Variants in HGFAC observed in about 807,000 individuals in gnomAD.
HGFAC encodes hepatocyte growth factor activator serine protease.
Under a neutral mutation model 70.6 loss-of-function variants are expected in HGFAC, and 76 were observed. That is an observed-to-expected ratio of 1.08 (90% CI 0.89 to 1.30). The LOEUF is 1.30. HGFAC is among the 50% of genes most tolerant of loss of function. The probability of loss-of-function intolerance (pLI) is 0.00; values close to 1 mark genes in which losing one functional copy is unlikely to be tolerated. For synonymous variants in HGFAC, 464 were observed against 405.3 expected, an observed-to-expected ratio of 1.14 and a Z score of -1.74; for missense variants, 1,044 against 933.7, an observed-to-expected ratio of 1.12 and a Z score of -1.54.
chr4:3,443,832 G>T (rs1051860892), intron 4 of HGFAC, among the ~76,000 whole-genome samples: 1 of 152,170 alleles, frequency 6.6e-6, no homozygotes, highest in African/African-American at 2.4e-5. Context: ...TGGGCCAGTG[G>T]CCCAGGTGTT....
At position 3,448,190 on chromosome 4, in the gene HGFAC, T is replaced by A; in HGVS notation, c.1699T>A (p.Cys567Ser). The change falls in exon 13 of 14, where the codon TGC (cysteine) becomes AGC (serine). Residue 567 changes from cysteine to serine, a missense_variant. Transcript: ENST00000382774. ...ALVPLVADHKCSSPEVYGADI... is the reference protein window; with the variant it reads ...ALVPLVADHKSSSPEVYGADI... ...GGTCCCCCTGGTCGCCGACCACAAG[T>A]GCAGCAGCCCTGAGGTCTACGGCGC... is the stretch of plus-strand genomic sequence containing the variant. 1 of 1,605,574 alleles carries A rather than the reference T, an allele frequency of 6.2e-7. No individual in the cohort carries two copies. Among genetic ancestry groups the A allele is most frequent in the Non-Finnish European group, 8.5e-7 (1 of 1,177,372 alleles).
At chr4:3,447,196 T>A (rs1725539339) in intron 10 of HGFAC, among the ~76,000 whole-genome samples, 1 of 152,184 alleles carries the variant, frequency 6.6e-6, no homozygotes, top group Admixed American at 6.5e-5. Context: ...TTGCAGCCGA[T>A]CCTGCCTGGG....
chr4:3,444,936 A>C lies in HGFAC; in HGVS notation c.959A>C (p.His320Pro). 6.2e-7 allele frequency: 1 copy of C among 1,609,354 alleles called. No individual in the cohort carries two copies. The highest frequency in any genetic ancestry group is 1.1e-5 in the South Asian group (1 of 90,576). The change falls in exon 8 of 14, where the codon CAC (histidine) becomes CCC (proline). Residue 320 changes from histidine to proline, a missense_variant. His to Pro is a moderately conservative substitution (Grantham distance 77). Transcript: ENST00000382774. ...WNSDLLYQEL[H>P]VDSVGAAALL... Reference sequence around the variant, plus strand: ...TCCGATCTGCTCTACCAGGAGCTGCACGTGGACTCCGTGGGCGCCGCGGCC... The same window carrying C: ...TCCGATCTGCTCTACCAGGAGCTGCCCGTGGACTCCGTGGGCGCCGCGGCC...
rs1245564389 is a variant in HGFAC, at chr4:3,442,735, C to T, written c.121C>T (p.Arg41Cys). The change falls in exon 2 of 14, where the codon CGT (arginine) becomes TGT (cysteine). Residue 41 changes from arginine to cysteine, a missense_variant. Physicochemically the swap from Arg to Cys is radical, Grantham distance 180. Transcript: ENST00000382774. ...ACACCCTTTCTGCTCCTCCTAGAAC[C>T]GTACGGAGTCCCCAGAACCTAATGC... The part of the protein sequence containing the change: ...RGFQPQPGGN[R>C]TESPEPNATA... The T allele has an allele frequency of 8.0e-6, 12 of 1,497,170 alleles. No individual in the cohort carries two copies. Among genetic ancestry groups the T allele is most frequent in the Admixed American group, 4.9e-5 (2 of 41,024 alleles). The allele number at this position is 1,497,170 out of a possible 1,614,324, so 92.7% of individuals were successfully genotyped here.
At chr4:3,443,878 C>T (rs1725397167) in intron 4 of HGFAC, among the ~76,000 whole-genome samples, 161 bp from the exon 5 acceptor site, 1 of 152,016 alleles carries the variant, frequency 6.6e-6, no homozygotes, top group Non-Finnish European at 1.5e-5. Flanking sequence ...GAGGTCTGTG[C>T]CCCTCCCAGG....
intron 5 of HGFAC, 54 bp downstream of exon 5, chr4:3,444,215 G>A (rs1725411778): frequency 1.9e-6 from 3 of 1,564,360 alleles, no homozygotes; most frequent in Non-Finnish European, 1.7e-6. Context: ...CAAGTCCCCG[G>A]AGGATGGGAG....
At chr4:3,441,921 C>T, upstream of HGFAC, 1 of 773,676 alleles carries the variant, frequency 1.3e-6, no homozygotes, top group Non-Finnish European at 1.9e-6. This position sits in a 1 kb window ranked among gnomAD's most constrained non-coding sequence, Gnocchi z 6.0. Flanking sequence ...CAGGGTTAAT[C>T]ATTTCCACGA....
Position 3,445,442 on chromosome 4 carries a change from A to G in HGFAC, c.1102+92A>G, listed in dbSNP as rs1725474302. 1.9e-5 allele frequency: 17 copies of G among 876,998 alleles called. No homozygotes were observed. The South Asian group carries it at 2.3e-4, about 12-fold the overall frequency. 54.3% of individuals were successfully genotyped at this position (876,998 alleles called of 1,614,324 possible). On this transcript the variant is annotated intron_variant, in intron 9 of 13. Transcript: ENST00000382774. The stretch of plus-strand genomic sequence containing the variant: ...TCCTAGCCCCTCCGCACACCTGGCT[A>G]CTGCATCTCTGACAAATGGGGAAAC...
At position 3,445,367 on chromosome 4, in the gene HGFAC, G is replaced by T. The variant is rs1480141884; in HGVS notation, c.1102+17G>T. 2.6e-6 allele frequency: 4 copies of T among 1,546,510 alleles called. No individual in the cohort carries two copies. Among genetic ancestry groups the T allele is most frequent in the African/African-American group, 2.7e-5 (2 of 73,148 alleles). ...AGGCCTGCGGTGCGCGGCTGGCGGG[G>T]GGTGCTGCCTTGGGCCCCACCGAGG... On this transcript the variant is annotated intron_variant, in intron 9 of 13. Transcript: ENST00000382774.
At position 3,442,333 on chromosome 4, in the gene HGFAC, G is replaced by C. The variant is rs561060737; in HGVS notation, c.117+215G>C. 7.9e-5 allele frequency among the ~76,000 whole-genome samples: 12 copies of C among 152,298 alleles called. 1 individual carries two copies. Among genetic ancestry groups the C allele is most frequent in the African/African-American group, 2.9e-4 (12 of 41,574 alleles). The stretch of plus-strand genomic sequence containing the variant: ...GCCTGGGCTCACGGAGCCCCACCTG[G>C]GGGCTGTCATCCCTGTGCGGCCTGG... On this transcript the variant is annotated intron_variant, in intron 1 of 13. Coordinates refer to ENST00000382774, the MANE Select transcript of HGFAC (RefSeq NM_001528.4).
intron 4 of HGFAC, among the ~76,000 whole-genome samples, 186 bp from the exon 5 acceptor site, chr4:3,443,853 C>T (rs1456326671): frequency 3.3e-5 from 5 of 152,130 alleles, no homozygotes; most frequent in Non-Finnish European, 2.9e-5. Flanking sequence ...GAGTGGGGGA[C>T]GCTGGGAGGA....
At position 3,444,886 on chromosome 4, in the gene HGFAC, G is replaced by A. The variant is rs754713977; in HGVS notation, c.909G>A (p.Ser303=). ...GYRGVASTSA[S]GLSCLAWNSD... The stretch of plus-strand genomic sequence containing the variant: ...GTGGCGTGGCCAGCACCTCAGCCTC[G>A]GGCCTCAGCTGCCTGGCCTGGAACT... The change falls in exon 8 of 14, where the codon TCG becomes TCA. Residue 303 remains serine, a synonymous_variant. Coordinates refer to ENST00000382774, the MANE Select transcript of HGFAC (RefSeq NM_001528.4). 2 of 1,608,300 alleles carry A rather than the reference G, an allele frequency of 1.2e-6. No homozygotes were observed. Among genetic ancestry groups the A allele is most frequent in the South Asian group, 1.1e-5 (1 of 90,186 alleles).
intron 10 of HGFAC, among the ~76,000 whole-genome samples, chr4:3,446,710 C>T (rs1340755961): frequency 6.6e-6 from 1 of 152,180 alleles, no homozygotes; most frequent in Non-Finnish European, 1.5e-5. Flanking sequence ...GCCCACTCAG[C>T]CGGCTCCCCT....
chr4:3,441,525 C>T (rs1324618893), upstream of HGFAC, among the ~76,000 whole-genome samples: 1 of 152,148 alleles, frequency 6.6e-6, no homozygotes, highest in Non-Finnish European at 1.5e-5. This position sits in a 1 kb window ranked among gnomAD's most constrained non-coding sequence, Gnocchi z 6.0. Context: ...GTCTGTGGGA[C>T]AGGGACAATC....
intron 3 of HGFAC, 46 bp from the exon 4 acceptor site, chr4:3,443,282 TGGGGTGGGGTGGG>T: frequency 1.3e-5 from 13 of 990,414 alleles, no homozygotes; most frequent in Non-Finnish European, 1.8e-5. Flanking sequence ...TCCAGGGTGG[TGGGGTGGGGTGGG>T]GGGCCTCTGC....
At position 3,442,028 on chromosome 4, in the gene HGFAC, C is replaced by T. The variant is rs1725330229; in HGVS notation, c.27C>T (p.Ser9=). The T allele has an allele frequency of 1.3e-6, 2 of 1,518,496 alleles. No individual in the cohort carries two copies. The highest frequency in any genetic ancestry group is 2.9e-5 in the African/African-American group (2 of 68,982). 94.1% of individuals were successfully genotyped at this position (1,518,496 alleles called of 1,614,324 possible). A position where few individuals can be genotyped will look rare whatever the true frequency, so the allele number is the denominator to read the frequency against. The stretch of plus-strand genomic sequence containing the variant: ...TGGGGCGCTGGGCCTGGGTCCCCAG[C>T]CCCTGGCCCCCACCGGGGCTGGGCC... MGRWAWVP[S]PWPPPGLGPF... Residue 9 remains serine (S), a synonymous_variant, in exon 1 of 14, where the codon AGC becomes AGT. Transcript: ENST00000382774.
Position 3,443,375 on chromosome 4 carries a change from G to C in HGFAC, c.430G>C (p.Ala144Pro), listed in dbSNP as rs1227819936. The change falls in exon 4 of 14, where the codon GCC becomes CCC. Residue 144 changes from alanine to proline, a missense_variant. Physicochemically the swap from Ala to Pro is conservative, Grantham distance 27. Coordinates refer to ENST00000382774, the MANE Select transcript of HGFAC (RefSeq NM_001528.4). ...ATTHNYDRDR[A>P]WGYCVEATPP... ...AACTCACAACTACGACCGGGACAGG[G>C]CCTGGGGCTACTGTGTGGAGGCCAC... 6.5e-7 allele frequency: 1 copy of C among 1,534,144 alleles called. No homozygotes were observed. The highest frequency in any genetic ancestry group is 8.8e-7 in the Non-Finnish European group (1 of 1,138,920).
upstream of HGFAC, among the ~76,000 whole-genome samples, chr4:3,441,054 G>T (rs1725290630): frequency 6.6e-6 from 1 of 152,058 alleles, no homozygotes; most frequent in Non-Finnish European, 1.5e-5. The surrounding 1 kb of genome is among the most constrained non-coding windows in gnomAD (Gnocchi z 6.0). Flanking sequence ...CTGGGATGTC[G>T]CTGCTGACTC....
At position 3,449,347 on chromosome 4, in the gene HGFAC, C is replaced by G; in HGVS notation, c.1896C>G (p.Thr632=). 1 of 1,611,264 alleles carries G rather than the reference C, an allele frequency of 6.2e-7. No homozygotes were observed. The highest frequency in any genetic ancestry group is 1.3e-5 in the African/African-American group (1 of 74,990). Residue 632 remains threonine, a synonymous_variant, in exon 14 of 14, where the codon ACC becomes ACG. Coordinates refer to ENST00000382774, the MANE Select transcript of HGFAC (RefSeq NM_001528.4). The part of the protein sequence containing the change: ...CGRLHKPGVY[T]RVANYVDWIN... ...GGCTCCACAAGCCGGGGGTCTACAC[C>G]CGCGTGGCCAACTATGTGGACTGGA...
Sources: gnomAD v4.1 joint callset for allele counts (sites outside exome capture counted in the v4.1 genomes callset) on GRCh38, gnomAD v4.1.1 for gene constraint, Gnocchi (gnomAD v3.1) non-coding constraint, MANE v1.5 for transcripts, NCBI Gene and HGNC (gene_info 2026-07-23, HGNC 2026-07-21) for gene names.